Variants in SHOC2 observed in about 807,000 individuals in gnomAD.
SHOC2 encodes the protein SHOC2 leucine rich repeat scaffold protein.
In SHOC2, 4 loss-of-function variants were observed where a neutral mutation model predicts 50.2. That is an observed-to-expected ratio of 0.08 (90% CI 0.04 to 0.18). The LOEUF is 0.18. Ranked by LOEUF, SHOC2 falls within the 10% of genes least tolerant of loss-of-function variation. The probability of loss-of-function intolerance (pLI) is 1.00; values close to 1 mark genes in which losing one functional copy is unlikely to be tolerated. For missense variants in SHOC2, 388 were observed against 669.6 expected, an observed-to-expected ratio of 0.58 and a Z score of 4.64; for synonymous variants, 218 against 244.5, an observed-to-expected ratio of 0.89 and a Z score of 1.01.
intron 3 of SHOC2, among the ~76,000 whole-genome samples, chr10:110,995,057 T>C (rs918229331): frequency 1.3e-5 from 2 of 148,622 alleles, no homozygotes; most frequent in African/African-American, 5.3e-5. Flanking sequence ...TTGAAGAAAA[T>C]AGATTTTTAT....
chr10:110,957,716 A>G (rs1037253269), intron 1 of SHOC2, among the ~76,000 whole-genome samples: 3 of 152,112 alleles, frequency 2.0e-5, no homozygotes, highest in Non-Finnish European at 4.4e-5. Flanking sequence ...TCAACTTTAA[A>G]TTAATTTAGG....
rs1423827422 is a variant in SHOC2 at position 111,000,440 on chromosome 10, T to C, written c.867T>C (p.Leu289=). 2 of 1,613,814 alleles carry C rather than the reference T, an allele frequency of 1.2e-6. No individual in the cohort carries two copies. Among genetic ancestry groups the C allele is most frequent in the Non-Finnish European group, 1.7e-6 (2 of 1,179,780 alleles). ...TIGNLSSLSR[L]GLRYNRLSAI... ...GAAACCTGTCCAGTTTAAGTCGTCT[T>C]GGTCTGAGATATAACAGACTGTCAG... The change falls in exon 4 of 9, where the codon CTT becomes CTC. Residue 289 remains leucine (L), a synonymous_variant. Transcript: ENST00000369452.
chr10:110,993,898 C>T (rs1848225094), intron 3 of SHOC2, among the ~76,000 whole-genome samples: 1 of 152,110 alleles, frequency 6.6e-6, no homozygotes. Context: ...TATTTATCTA[C>T]CATGATACTG....
intron 2 of SHOC2, among the ~76,000 whole-genome samples, chr10:110,966,585 C>T (rs1177274003): frequency 6.6e-6 from 1 of 152,050 alleles, no homozygotes; most frequent in Non-Finnish European, 1.5e-5. Flanking sequence ...AGGACTTTTT[C>T]CATAGCAATG....
In SHOC2 at chr10:110,982,102, G is replaced by A. The variant is rs1174991489; in HGVS notation, c.704-3526G>A. Among the ~76,000 whole-genome samples, 24 of 145,854 alleles carry A rather than the reference G, an allele frequency of 1.6e-4. No homozygotes were observed. In the East Asian group the frequency reaches 2.1e-3, roughly 13 times the overall value. On this transcript the variant is annotated intron_variant, in intron 2 of 8. Transcript: ENST00000369452. ...TTCCCACCTATGAGTGAGAATATGC[G>A]GTGTTTGGTTTTTTGTTCTTGAGAT...
At chr10:110,975,173 T>G (rs916637480) in intron 2 of SHOC2, among the ~76,000 whole-genome samples, 40 of 151,420 alleles carry the variant, frequency 2.6e-4, no homozygotes, top group Non-Finnish European at 4.6e-4. Context: ...TTTTTTTTTT[T>G]GAGATGGAGT....
intron 4 of SHOC2, among the ~76,000 whole-genome samples, chr10:111,002,477 G>A (rs545501354): frequency 6.6e-6 from 1 of 152,262 alleles, no homozygotes; most frequent in Non-Finnish European, 1.5e-5. Flanking sequence ...TTTAATGTAG[G>A]TGTATACATA....
chr10:110,922,633 G>A (rs975492684), intron 1 of SHOC2, among the ~76,000 whole-genome samples: 2 of 151,836 alleles, frequency 1.3e-5, no homozygotes, highest in African/African-American at 2.4e-5. Flanking sequence ...GTATGAAAAA[G>A]CCTTAAGATT....
At chr10:111,000,016 A>C (rs1029040057) in intron 3 of SHOC2, among the ~76,000 whole-genome samples, 1 of 152,200 alleles carries the variant, frequency 6.6e-6, no homozygotes, top group Non-Finnish European at 1.5e-5. Flanking sequence ...ACGTGTACAT[A>C]CTTATATATA....
rs4918611 is a variant in SHOC2, at chr10:110,922,166, G to A, written c.-235+2509G>A. Among the ~76,000 whole-genome samples, 395 of 152,094 alleles carry A rather than the reference G, an allele frequency of 2.6e-3. 6 individuals are homozygous for A. Among genetic ancestry groups the A allele is most frequent in the East Asian group, 8.7e-3 (45 of 5,186 alleles). Reference sequence around the variant, plus strand: ...CTTGCTGGAATTACGCCTTTAAAATGTTACTCTTTTTTCTGTGACTTGGGT... The same window carrying A: ...CTTGCTGGAATTACGCCTTTAAAATATTACTCTTTTTTCTGTGACTTGGGT... On this transcript the variant is annotated intron_variant, in intron 1 of 8. Coordinates refer to ENST00000369452, the MANE Select transcript of SHOC2 (RefSeq NM_007373.4).
chr10:110,922,222 CAG>C (rs1846667199), intron 1 of SHOC2, among the ~76,000 whole-genome samples: 1 of 152,036 alleles, frequency 6.6e-6, no homozygotes, highest in African/African-American at 2.4e-5. Context: ...CTTTCCACAT[CAG>C]AGAGACATAA....
intron 2 of SHOC2, among the ~76,000 whole-genome samples, chr10:110,974,668 T>G (rs575539398): frequency 6.6e-6 from 1 of 151,912 alleles, no homozygotes; most frequent in East Asian, 1.9e-4. Context: ...CTTTGTGGCG[T>G]TTTTTTTAGT....
intron 3 of SHOC2, chr10:110,988,891 A>G (rs769066920): frequency 1.1e-5 from 5 of 464,616 alleles, no homozygotes; most frequent in Non-Finnish European, 2.2e-5. Context: ...AGTTTTTTCT[A>G]ATTTACCCTT....
chr10:111,004,549 TA>T, intron 4 of SHOC2, 56 bp from the exon 5 acceptor site: 1 of 1,322,622 alleles, frequency 7.6e-7, no homozygotes, highest in Non-Finnish European at 1.1e-6. Flanking sequence ...TGCTGTTCTA[TA>T]AAAAATGAGT....
intron 2 of SHOC2, among the ~76,000 whole-genome samples, chr10:110,967,444 G>A (rs1009095871): frequency 6.6e-6 from 1 of 152,068 alleles, no homozygotes; most frequent in Non-Finnish European, 1.5e-5. Context: ...AAGATTGCGG[G>A]GGAGGATTGG....
intron 3 of SHOC2, among the ~76,000 whole-genome samples, chr10:110,999,443 A>C (rs1489130985): frequency 1.3e-5 from 2 of 152,114 alleles, no homozygotes; most frequent in African/African-American, 4.8e-5. Flanking sequence ...GAAAAGTAGA[A>C]AATAAAATGC....
chr10:110,949,063 A>G (rs1847301581), intron 1 of SHOC2, among the ~76,000 whole-genome samples: 1 of 152,200 alleles, frequency 6.6e-6, no homozygotes, highest in Non-Finnish European at 1.5e-5. Context: ...ACTAGAATCC[A>G]AACCAGACAT....
At chr10:110,955,376 CTTGCTTAACTGA>C (rs1209525705) in intron 1 of SHOC2, among the ~76,000 whole-genome samples, 1 of 152,134 alleles carries the variant, frequency 6.6e-6, no homozygotes, top group Non-Finnish European at 1.5e-5. Context: ...TCTTAAGTTT[CTTGCTTAACTGA>C]ATGTTGTCTT....
At chr10:110,976,973 AT>A (rs1847890041) in intron 2 of SHOC2, among the ~76,000 whole-genome samples, 2 of 151,718 alleles carry the variant, frequency 1.3e-5, no homozygotes, top group African/African-American at 4.8e-5. Flanking sequence ...TTTTATTGCT[AT>A]TTTTTTGTTG....
Sources: allele counts gnomAD v4.1 joint callset (sites outside exome capture counted in the v4.1 genomes callset), GRCh38; gene constraint gnomAD v4.1.1; transcripts MANE v1.5; gene names NCBI Gene and HGNC (gene_info 2026-07-23, HGNC 2026-07-21).